The following ANXA4 variants were observed in gnomAD, a reference collection of about 807,000 sequenced individuals.
The protein encoded by ANXA4 is 35-beta calcimedin.
Under a neutral mutation model 49.8 loss-of-function variants are expected in ANXA4, and 39 were observed. That is an observed-to-expected ratio of 0.78 (90% CI 0.61 to 1.02). ANXA4 has a LOEUF of 1.02. ANXA4 is among the 50% of genes least tolerant of loss of function. ANXA4 has a pLI of 0.00. For missense variants in ANXA4, 360 were observed against 410.1 expected, an observed-to-expected ratio of 0.88 and a Z score of 1.05; for synonymous variants, 134 against 152.5, an observed-to-expected ratio of 0.88 and a Z score of 0.89.
intron 2 of ANXA4, among the ~76,000 whole-genome samples, chr2:69,718,846 A>C (rs922843029): frequency 9.2e-5 from 14 of 152,072 alleles, no homozygotes; most frequent in African/African-American, 3.1e-4. Context: ...ACATGCACAC[A>C]CATACATGCA....
At chr2:69,784,056 A>T (rs961804200) in intron 2 of ANXA4, among the ~76,000 whole-genome samples, 2 of 152,106 alleles carry the variant, frequency 1.3e-5, no homozygotes, top group South Asian at 4.2e-4. Context: ...ATCAATTGTG[A>T]TATGGCACCT....
chr2:69,766,293 C>G (rs911566055), intron 1 of ANXA4, among the ~76,000 whole-genome samples: 1 of 152,206 alleles, frequency 6.6e-6, no homozygotes, highest in Non-Finnish European at 1.5e-5. Context: ...TTGGAGAGAA[C>G]AGTAATAGAA....
At chr2:69,691,089 C>T (rs927123971) in intron 2 of ANXA4, among the ~76,000 whole-genome samples, 3 of 151,836 alleles carry the variant, frequency 2.0e-5, no homozygotes, top group African/African-American at 7.2e-5. Context: ...CTGGGAGAAC[C>T]GCCACTTGTA....
chr2:69,783,370 C>A (rs955813033), intron 2 of ANXA4, among the ~76,000 whole-genome samples: 1 of 152,118 alleles, frequency 6.6e-6, no homozygotes, highest in Non-Finnish European at 1.5e-5. Context: ...CGCTCGCCAC[C>A]ACGCCTGACT....
intron 2 of ANXA4, among the ~76,000 whole-genome samples, chr2:69,664,211 G>A (rs533140202): frequency 4.6e-5 from 7 of 152,324 alleles, no homozygotes; most frequent in South Asian, 2.1e-4. Flanking sequence ...GTAGTAAAGC[G>A]TGGGGGTAAA....
chr2:69,761,851 A>G (rs1243485915), intron 1 of ANXA4, among the ~76,000 whole-genome samples: 22 of 152,202 alleles, frequency 1.4e-4, no homozygotes, highest in Admixed American at 1.4e-3. Context: ...TTATGTTAAA[A>G]TAACTCAAAC....
At chr2:69,674,802 T>C (rs1224778017) in intron 2 of ANXA4, among the ~76,000 whole-genome samples, 6 of 152,096 alleles carry the variant, frequency 3.9e-5, no homozygotes, top group African/African-American at 1.4e-4. Context: ...GTGACTTCAA[T>C]ACCTATTCTC....
chr2:69,691,761 G>A (rs1426775829), intron 2 of ANXA4, among the ~76,000 whole-genome samples: 1 of 152,206 alleles, frequency 6.6e-6, no homozygotes, highest in Non-Finnish European at 1.5e-5. Flanking sequence ...CAGGACAGAA[G>A]TTAGCAGCGT....
At chr2:69,772,507 CAATTGCTAAGAGAGGCTGT>C (rs57028097) in intron 1 of ANXA4, among the ~76,000 whole-genome samples, 53,622 of 151,716 alleles carry the variant, frequency 0.35, 10,785 homozygotes, top group East Asian at 0.51. Flanking sequence ...GAGGCCTTAG[CAATTGCTAAGAGAGGCTGT>C]AGCAATTGTG....
intron 2 of ANXA4, among the ~76,000 whole-genome samples, chr2:69,706,426 G>C (rs1008768026): frequency 1.4e-5 from 2 of 146,432 alleles, no homozygotes; most frequent in Admixed American, 7.0e-5. Context: ...TCAGCCTCCC[G>C]AGTAGCTGGC....
intron 3 of ANXA4, among the ~76,000 whole-genome samples, chr2:69,800,802 C>G (rs907314579): frequency 6.6e-6 from 1 of 152,034 alleles, no homozygotes; most frequent in Non-Finnish European, 1.5e-5. Flanking sequence ...GGGGTGACAC[C>G]CATGGTTTGT....
chr2:69,664,541 C>G (rs1676863067), intron 2 of ANXA4, among the ~76,000 whole-genome samples: 1 of 152,220 alleles, frequency 6.6e-6, no homozygotes, highest in African/African-American at 2.4e-5. Flanking sequence ...TTAATCTTCA[C>G]AACAGCTATA....
At chr2:69,695,150 GA>G (rs529916549) in intron 2 of ANXA4, among the ~76,000 whole-genome samples, 4,436 of 140,122 alleles carry the variant, frequency 0.032, 98 homozygotes, top group African/African-American at 0.055. Context: ...TCTCAAAAAA[GA>G]AAAAAAAAAA....
chr2:69,696,952 G>A (rs950517087), intron 2 of ANXA4, among the ~76,000 whole-genome samples: 1 of 152,182 alleles, frequency 6.6e-6, no homozygotes, highest in Non-Finnish European at 1.5e-5. Flanking sequence ...AGTAGATTTA[G>A]CATAATACTT....
intron 1 of ANXA4, among the ~76,000 whole-genome samples, chr2:69,764,690 TAA>T (rs1671430697): frequency 6.6e-6 from 1 of 152,214 alleles, no homozygotes; most frequent in Admixed American, 6.5e-5. Flanking sequence ...TGTGGTGAAA[TAA>T]ATACACATGA....
At chr2:69,664,677 A>C (rs1676868081) in intron 2 of ANXA4, among the ~76,000 whole-genome samples, 3 of 152,238 alleles carry the variant, frequency 2.0e-5, no homozygotes, top group Admixed American at 6.5e-5. Flanking sequence ...ATTGGCAGCA[A>C]CAGTATGTTC....
In ANXA4 at chr2:69,648,885, T is replaced by C. The variant is rs867664536; in HGVS notation, n.481+3980T>C. On this transcript the variant is annotated intron_variant and non_coding_transcript_variant, in intron 1 of 3. Coordinates refer to the ANXA4 transcript ENST00000418066. ...TTAATTTTTAATTTTCTTTCTTTCT[T>C]TTCTTTTTTTTTTTTTTTGAGATGG... Among the ~76,000 whole-genome samples the C allele has an allele frequency of 7.7e-4, 106 of 138,034 alleles. 2 individuals are homozygous for C. The highest frequency in any genetic ancestry group is 3.1e-3 in the African/African-American group (105 of 33,998). 90.6% of individuals were successfully genotyped at this position (138,034 alleles called of 152,430 possible). A position where few individuals can be genotyped will look rare whatever the true frequency, so the allele number is the denominator to read the frequency against.
intron 2 of ANXA4, among the ~76,000 whole-genome samples, chr2:69,660,144 G>A (rs1676658451): frequency 6.6e-6 from 1 of 152,132 alleles, no homozygotes; most frequent in African/African-American, 2.4e-5. Context: ...CTTTATATAT[G>A]CAGAAGAAAG....
upstream of ANXA4, among the ~76,000 whole-genome samples, chr2:69,737,695 C>T (rs1410268195): frequency 6.6e-6 from 1 of 152,110 alleles, no homozygotes; most frequent in African/African-American, 2.4e-5. Flanking sequence ...AACTCCTGGG[C>T]TCAAGTTGTC....
Sources: allele counts gnomAD v4.1 joint callset (sites outside exome capture counted in the v4.1 genomes callset), GRCh38; gene constraint gnomAD v4.1.1; transcripts MANE v1.5; gene names NCBI Gene and HGNC (gene_info 2026-07-23, HGNC 2026-07-21).